The following CSMD3 variants were observed in gnomAD, a reference collection of about 807,000 sequenced individuals.
CSMD3 encodes CUB and Sushi multiple domains 3, also known as CUB and sushi domain-containing protein 3.
Under a neutral mutation model 435.2 loss-of-function variants are expected in CSMD3, and 177 were observed. The observed-to-expected ratio is 0.41, with a 90% CI of 0.36 to 0.46. The LOEUF is 0.46. Among genes scored for constraint, CSMD3 ranks in the 20% least tolerant of loss-of-function variants. CSMD3 has a pLI of 0.34. For synonymous variants in CSMD3, 1,656 were observed against 1,520.5 expected (o/e 1.09, Z -2.07); for missense variants, 4,265 against 4,504.6 (o/e 0.95, Z 1.52).
intron 4 of CSMD3, among the ~76,000 whole-genome samples, chr8:113,155,827 G>A (rs1318368375): frequency 6.6e-6 from 1 of 152,004 alleles, no homozygotes; most frequent in Non-Finnish European, 1.5e-5. Flanking sequence ...GATGAATACT[G>A]AGTGACTAAT....
chr8:112,277,163 T>A (rs1313197237), intron 59 of CSMD3, among the ~76,000 whole-genome samples: 1 of 152,324 alleles, frequency 6.6e-6, no homozygotes, highest in Admixed American at 6.5e-5. Context: ...ATTGCCAGGC[T>A]GCAAATTTTC....
chr8:112,292,601 T>C lies in CSMD3; in HGVS notation c.8724A>G (p.Gln2908=), dbSNP rs2130688919. Residue 2908 remains glutamine, a synonymous_variant, in exon 55 of 71, where the codon CAA becomes CAG. Transcript: ENST00000297405. ...TFSCNIGYLM[Q]GPTKAQCQAN... is the part of the protein sequence containing the mutation. ...CCTGGCACTGTGCCTTTGTTGGCCC[T>C]TGCATAAGATACCCAATATTGCATG... 1 of 1,613,844 alleles carries C rather than the reference T, an allele frequency of 6.2e-7. No homozygotes were observed. Among genetic ancestry groups the C allele is most frequent in the African/African-American group, 1.3e-5 (1 of 75,030 alleles).
intron 10 of CSMD3, among the ~76,000 whole-genome samples, chr8:112,920,989 G>A (rs1210474968): frequency 1.2e-3 from 72 of 57,874 alleles, no homozygotes; most frequent in African/African-American, 3.3e-3. Context: ...ACACACATAC[G>A]CGCGCGCGCA....
At chr8:112,308,819 A>G (rs1446869222) in intron 50 of CSMD3, among the ~76,000 whole-genome samples, 1 of 152,066 alleles carries the variant, frequency 6.6e-6, no homozygotes, top group Non-Finnish European at 1.5e-5. Flanking sequence ...TAGCTCAAGT[A>G]AATGTATGTC....
At chr8:112,354,924 A>C (rs56064440) in intron 38 of CSMD3, among the ~76,000 whole-genome samples, 59,564 of 152,090 alleles carry the variant, frequency 0.39, 13,277 homozygotes, top group Middle Eastern at 0.53. Context: ...GAACAAAGCT[A>C]CAGTCATCAC....
At chr8:112,449,792 G>A (rs1263854087) in intron 32 of CSMD3, among the ~76,000 whole-genome samples, 1 of 152,026 alleles carries the variant, frequency 6.6e-6, no homozygotes, top group African/African-American at 2.4e-5. Flanking sequence ...GCACGATCTC[G>A]GCTCACTGCA....
chr8:112,378,589 G>A (rs1168106719), intron 38 of CSMD3, among the ~76,000 whole-genome samples: 1 of 152,104 alleles, frequency 6.6e-6, no homozygotes, highest in East Asian at 1.9e-4. Context: ...ATATTCTCAC[G>A]CATAGGTGGA....
At chr8:112,547,675 A>C (rs1232258304) in intron 27 of CSMD3, among the ~76,000 whole-genome samples, 2 of 152,294 alleles carry the variant, frequency 1.3e-5, no homozygotes, top group African/African-American at 4.8e-5. Flanking sequence ...GTAAGAAAAT[A>C]TTTTACTGAA....
chr8:113,349,628 T>A (rs988128643), intron 1 of CSMD3, among the ~76,000 whole-genome samples: 3 of 152,006 alleles, frequency 2.0e-5, no homozygotes, highest in African/African-American at 7.2e-5. Flanking sequence ...TTTAAAAAAA[T>A]AATTAATTTT....
At chr8:112,628,023 A>G (rs1331563016) in intron 22 of CSMD3, among the ~76,000 whole-genome samples, 1 of 152,188 alleles carries the variant, frequency 6.6e-6, no homozygotes, top group Non-Finnish European at 1.5e-5. Context: ...GCTGCGTTCT[A>G]AAAGGATGTC....
intron 22 of CSMD3, among the ~76,000 whole-genome samples, chr8:112,620,521 G>T (rs2131512134): frequency 6.6e-6 from 1 of 152,224 alleles, no homozygotes; most frequent in Non-Finnish European, 1.5e-5. Flanking sequence ...CATGTACTTT[G>T]TATTCTCAAA....
intron 5 of CSMD3, among the ~76,000 whole-genome samples, chr8:113,056,135 C>T (rs1186806940): frequency 1.3e-5 from 2 of 152,190 alleles, no homozygotes; most frequent in African/African-American, 2.4e-5. Flanking sequence ...GATGCACCCC[C>T]ACTCTGATGA....
In CSMD3 at chr8:113,162,585, A is replaced by C. The variant is rs1294895261; in HGVS notation, c.709+11137T>G. 2.6e-5 allele frequency among the ~76,000 whole-genome samples: 4 copies of C among 151,674 alleles called. No individual in the cohort carries two copies. The East Asian group carries it at 5.8e-4, about 22-fold the overall frequency. ...CGTCCCCACATCAAAAAAAAAAAAA[A>C]AAAAAAAACTTGTTTACTCTAACCA... On this transcript the variant is annotated intron_variant, in intron 4 of 70. Transcript: ENST00000297405.
intron 7 of CSMD3, 91 bp from the exon 8 acceptor site, chr8:112,954,852 C>A: frequency 2.5e-6 from 2 of 798,258 alleles, no homozygotes; most frequent in Admixed American, 4.1e-5. Flanking sequence ...TGGACTTATG[C>A]AAGATAAAGA....
rs529887923 is a variant in CSMD3, at chr8:113,359,609, T to C, written c.179-44816A>G. 5.2e-3 allele frequency among the ~76,000 whole-genome samples: 789 copies of C among 152,286 alleles called. 5 individuals carry two copies. Among genetic ancestry groups the C allele is most frequent in the African/African-American group, 0.017 (698 of 41,558 alleles). On this transcript the variant is annotated intron_variant, in intron 1 of 70. Coordinates refer to ENST00000297405, the MANE Select transcript of CSMD3 (RefSeq NM_198123.2). Reference sequence around the variant, plus strand: ...AGAACAGCAAACATTCTTCTAGCCATTGGCAGTATCCACATAAAAGAAAAG... The same window carrying C: ...AGAACAGCAAACATTCTTCTAGCCACTGGCAGTATCCACATAAAAGAAAAG...
intron 59 of CSMD3, among the ~76,000 whole-genome samples, chr8:112,277,443 T>C (rs927994785): frequency 2.6e-5 from 4 of 152,188 alleles, no homozygotes; most frequent in African/African-American, 9.6e-5. Context: ...ATTGTCCATA[T>C]CATTATCAGC....
intron 24 of CSMD3, among the ~76,000 whole-genome samples, chr8:112,572,973 T>G (rs1295802280): frequency 6.6e-6 from 1 of 152,098 alleles, no homozygotes; most frequent in Non-Finnish European, 1.5e-5. Context: ...ATAGTCAAAA[T>G]AGCTGACTTT....
At chr8:113,068,473 C>A (rs915122615) in intron 5 of CSMD3, among the ~76,000 whole-genome samples, 11 of 152,086 alleles carry the variant, frequency 7.2e-5, no homozygotes, top group Non-Finnish European at 1.6e-4. Context: ...GATTTAAAGT[C>A]TCCAAACCAG....
In CSMD3 at chr8:112,573,553, T is replaced by C; in HGVS notation, c.3990A>G (p.Glu1330=). 6.2e-7 allele frequency: 1 copy of C among 1,613,514 alleles called. No homozygotes were observed. The highest frequency in any genetic ancestry group is 8.5e-7 in the Non-Finnish European group (1 of 1,179,568). Residue 1330 remains glutamate, a synonymous_variant, in exon 24 of 71, where the codon GAA becomes GAG. Coordinates refer to ENST00000297405, the MANE Select transcript of CSMD3 (RefSeq NM_198123.2). ...LSSTSNQLWL[E]FNSDTEGTDE... ...CTGTCCCTTCAGTATCGGAATTAAA[T>C]TCTAGCCAGAGTTGATTTGAAGTAC...
Sources: allele counts gnomAD v4.1 joint callset (sites outside exome capture counted in the v4.1 genomes callset), GRCh38; gene constraint gnomAD v4.1.1; transcripts MANE v1.5; gene names NCBI Gene and HGNC (gene_info 2026-07-23, HGNC 2026-07-21).